BRWD1: variants seen among roughly 807,000 people sequenced by gnomAD.
The protein encoded by BRWD1 is bromodomain and WD repeat-containing protein 1.
Under a neutral mutation model 251.2 loss-of-function variants are expected in BRWD1, and 82 were observed. The observed-to-expected ratio is 0.33, with a 90% confidence interval of 0.27 to 0.39. BRWD1 has a LOEUF of 0.39. BRWD1 is among the 10% of genes least tolerant of loss of function. The pLI is 1.00. For missense variants in BRWD1, 2,233 were observed against 2,711.6 expected (o/e 0.82, Z 3.92); for synonymous variants, 918 against 902.8 (o/e 1.02, Z -0.30).
intron 8 of BRWD1, among the ~76,000 whole-genome samples, chr21:39,284,416 C>T (rs1204839989): frequency 2.6e-5 from 4 of 152,118 alleles, no homozygotes; most frequent in Non-Finnish European, 5.9e-5. Flanking sequence ...AAGTTTGAGG[C>T]CAAGCGAGCT....
In BRWD1 at chr21:39,188,886, A is replaced by G; in HGVS notation, c.*7373T>C. On this transcript the variant is annotated 3_prime_UTR_variant, in exon 41 of 41. Coordinates refer to ENST00000342449, the MANE Select transcript of BRWD1 (RefSeq NM_033656.4). ...TTTGTTCAGTGTTCAGTCTCCAGGC[A>G]TTGTAAATGGCATTTTACCAGAGTA... 1.0e-6 allele frequency: 1 copy of G among 985,410 alleles called. No individual in the cohort carries two copies. Among genetic ancestry groups the G allele is most frequent in the Non-Finnish European group, 1.2e-6 (1 of 829,920 alleles). 61.0% of individuals were successfully genotyped at this position (985,410 alleles called of 1,614,324 possible).
chr21:39,212,798 G>A, intron 33 of BRWD1, 91 bp from the exon 34 acceptor site: 3 of 894,748 alleles, frequency 3.4e-6, no homozygotes, highest in Non-Finnish European at 5.2e-6. Context: ...AAGACATTTG[G>A]TATTACCAGA....
At chr21:39,309,109 G>C (rs976116433) in intron 4 of BRWD1, among the ~76,000 whole-genome samples, 1 of 151,090 alleles carries the variant, frequency 6.6e-6, no homozygotes, top group African/African-American at 2.4e-5. Flanking sequence ...GGGAGGCAGA[G>C]GTTGCAGTGA....
intron 40 of BRWD1, among the ~76,000 whole-genome samples, chr21:39,197,980 C>A (rs1386525253): frequency 6.6e-6 from 1 of 152,156 alleles, no homozygotes; most frequent in Non-Finnish European, 1.5e-5. Flanking sequence ...TCAATAACAT[C>A]CCATGATCTT....
At chr21:39,234,763 A>T (rs1171444683) in intron 23 of BRWD1, among the ~76,000 whole-genome samples, 1 of 152,184 alleles carries the variant, frequency 6.6e-6, no homozygotes, top group Admixed American at 6.5e-5. Context: ...AGGTGTTTAA[A>T]ATTATTTGCA....
rs1216808473 is a variant in BRWD1, at chr21:39,264,993, C to T, written c.1557G>A (p.Val519=). 1.9e-6 allele frequency: 3 copies of T among 1,613,714 alleles called. No individual in the cohort carries two copies. In the African/African-American group the frequency reaches 4.0e-5, roughly 22 times the overall value. Residue 519 remains valine (V), a synonymous_variant, in exon 16 of 41, where the codon GTG becomes GTA. Coordinates refer to ENST00000342449, the MANE Select transcript of BRWD1 (RefSeq NM_033656.4). ...CATCCTGTGAAAACTTACAGTCAAA[C>T]ACAGCTCCATGTCCTTGTCCTTCAA... is the stretch of plus-strand genomic sequence containing the variant. ...NMIEGQGHGA[V]FDCKFSQDGQ... is the part of the protein sequence containing the mutation.
At chr21:39,237,892 A>C (rs1433139347) in intron 22 of BRWD1, among the ~76,000 whole-genome samples, 1 of 152,212 alleles carries the variant, frequency 6.6e-6, no homozygotes, top group Non-Finnish European at 1.5e-5. Context: ...ATCATAATGA[A>C]GTAAAACAAG....
At chr21:39,241,008 C>A (rs543231458) in intron 21 of BRWD1, among the ~76,000 whole-genome samples, 2 of 151,730 alleles carry the variant, frequency 1.3e-5, no homozygotes, top group African/African-American at 4.8e-5. Context: ...TCAAACGATT[C>A]TCCTGTCTCA....
chr21:39,196,938 C>T lies in BRWD1; in HGVS notation c.6131G>A (p.Arg2044Lys). Residue 2044 changes from arginine (R) to lysine (K), a missense_variant, in exon 41 of 41, where the codon AGA becomes AAA. By Grantham distance (26) the Arg-to-Lys change is conservative. This residue lies in a region of BRWD1 where 928 missense variants were observed against 970.0 expected (regional missense o/e 0.96). Coordinates refer to ENST00000342449, the MANE Select transcript of BRWD1 (RefSeq NM_033656.4). ...NIHKIDAPSK[R>K]KSSSVTSSGE... Reference sequence around the variant, plus strand: ...TGAAGATGTAACAGAGGAACTTTTTCTTTTAGAAGGTGCATCTATTTTGTG... The same window carrying T: ...TGAAGATGTAACAGAGGAACTTTTTTTTTTAGAAGGTGCATCTATTTTGTG... 6.2e-7 allele frequency: 1 copy of T among 1,613,762 alleles called. No homozygotes were observed. The highest frequency in any genetic ancestry group is 8.5e-7 in the Non-Finnish European group (1 of 1,179,890).
intron 32 of BRWD1, 126 bp from the exon 33 acceptor site, chr21:39,213,679 T>C (rs2032760682): frequency 1.7e-6 from 1 of 573,326 alleles, no homozygotes; most frequent in Admixed American, 3.7e-5. Flanking sequence ...CAGAGGAATA[T>C]CAGGTTTTCC....
chr21:39,274,538 T>C, intron 12 of BRWD1, 66 bp from the exon 13 acceptor site: 1 of 1,245,044 alleles, frequency 8.0e-7, no homozygotes, highest in Non-Finnish European at 1.2e-6. Context: ...ACAATTAAAA[T>C]CACATGCAAA....
At chr21:39,221,154 T>TAAAA (rs35879682) in intron 29 of BRWD1, among the ~76,000 whole-genome samples, 1 of 109,898 alleles carries the variant, frequency 9.1e-6, no homozygotes, top group Non-Finnish European at 1.9e-5. Flanking sequence ...AACTACATCT[T>TAAAA]AAAAAAAAAA....
intron 19 of BRWD1, 124 bp downstream of exon 19, chr21:39,255,521 C>T: frequency 1.3e-6 from 1 of 759,168 alleles, no homozygotes; most frequent in South Asian, 2.2e-5. Flanking sequence ...TAGTAAGATT[C>T]CCACTCATTA....
At chr21:39,246,906 AC>A (rs1319205965) in intron 21 of BRWD1, among the ~76,000 whole-genome samples, 1 of 151,722 alleles carries the variant, frequency 6.6e-6, no homozygotes, top group Non-Finnish European at 1.5e-5. Context: ...CATGGTGAAA[AC>A]CCCTTCTCTA....
At chr21:39,210,495 A>G (rs1214651890) in intron 35 of BRWD1, among the ~76,000 whole-genome samples, 1 of 152,104 alleles carries the variant, frequency 6.6e-6, no homozygotes, top group Non-Finnish European at 1.5e-5. Flanking sequence ...CGTTTATCCA[A>G]TTCACAGTTC....
rs988031139 is a variant in BRWD1 at position 39,237,806 on chromosome 21, G to T, written c.2576+673C>A. Among the ~76,000 whole-genome samples the T allele has an allele frequency of 3.3e-5, 5 of 152,022 alleles. No homozygotes were observed. In the South Asian group the frequency reaches 6.2e-4, roughly 19 times the overall value. ...CTTTAAATGGTTATATTTCTGTTAT[G>T]TGTATTTTACCACAATTAAATTTGT... is the stretch of plus-strand genomic sequence containing the variant. On this transcript the variant is annotated intron_variant, in intron 22 of 40. Transcript: ENST00000342449.
chr21:39,219,040 C>CA (rs1429551636), intron 29 of BRWD1, among the ~76,000 whole-genome samples: 9 of 20,824 alleles, frequency 4.3e-4, no homozygotes, highest in Admixed American at 4.1e-3. Context: ...AAAGTCAAGT[C>CA]AAAATGGATA....
In BRWD1 at chr21:39,279,087, G is replaced by C. The variant is rs766071355; in HGVS notation, c.933-274C>G. ...ATCAAATATTTCCACAGATTTCCAT[G>C]TATTTTTACAAAATATAAAAAGATC... On this transcript the variant is annotated intron_variant, in intron 9 of 40. Transcript: ENST00000342449. Among the ~76,000 whole-genome samples, 70 of 151,986 alleles carry C rather than the reference G, an allele frequency of 4.6e-4. 1 individual carries two copies. The highest frequency in any genetic ancestry group is 6.8e-3 in the Middle Eastern group (2 of 294).
At chr21:39,254,965 A>G (rs1247494704) in intron 19 of BRWD1, among the ~76,000 whole-genome samples, 2 of 152,214 alleles carry the variant, frequency 1.3e-5, no homozygotes, top group Admixed American at 1.3e-4. Context: ...CGGTTTTTTT[A>G]AGGTGTGATA....
Sources: gnomAD v4.1 joint callset for allele counts (sites outside exome capture counted in the v4.1 genomes callset) on GRCh38, gnomAD v4.1.1 for gene constraint, gnomAD v4.1.1 regional missense constraint, MANE v1.5 for transcripts, NCBI Gene and HGNC (gene_info 2026-07-23, HGNC 2026-07-21) for gene names.